The following KCNT2 variants were observed in gnomAD, a reference collection of about 807,000 sequenced individuals.
The protein encoded by KCNT2 is potassium sodium-activated channel subfamily T member 2, also known as potassium channel subfamily T member 2.
A neutral mutation model predicts 153.8 loss-of-function variants in KCNT2; 67 were observed. The observed-to-expected ratio is 0.44, with a 90% CI of 0.36 to 0.53. The LOEUF is 0.53. Ranked by LOEUF, KCNT2 falls within the 20% of genes least tolerant of loss-of-function variation. KCNT2 has a pLI of 0.00. For missense variants in KCNT2, 975 were observed against 1,354.8 expected (o/e 0.72, Z 4.40); for synonymous variants, 500 against 458.8 (o/e 1.09, Z -1.15).
intron 8 of KCNT2, among the ~76,000 whole-genome samples, chr1:196,443,740 G>T (rs140161339): frequency 1.3e-5 from 2 of 151,534 alleles, no homozygotes; most frequent in East Asian, 3.9e-4. Flanking sequence ...ATATTTTCTT[G>T]CCAACCTCAT....
intron 22 of KCNT2, among the ~76,000 whole-genome samples, chr1:196,301,117 A>C (rs1661144821): frequency 6.6e-6 from 1 of 152,126 alleles, no homozygotes; most frequent in Non-Finnish European, 1.5e-5. Flanking sequence ...CTGTCAACAC[A>C]CCTGAACAGA....
intron 27 of KCNT2, among the ~76,000 whole-genome samples, chr1:196,229,768 G>T (rs951980900): frequency 1.3e-5 from 2 of 152,120 alleles, no homozygotes; most frequent in Non-Finnish European, 2.9e-5. Context: ...AAGTATGAGT[G>T]GTCTGGAAAA....
chr1:196,247,083 T>C (rs747692610), intron 26 of KCNT2, among the ~76,000 whole-genome samples: 1 of 151,834 alleles, frequency 6.6e-6, no homozygotes, highest in Non-Finnish European at 1.5e-5. Flanking sequence ...GAAAAAAAGG[T>C]ATGGAAAAAG....
At chr1:196,322,791 A>G (rs542285735) in intron 19 of KCNT2, among the ~76,000 whole-genome samples, 1 of 151,914 alleles carries the variant, frequency 6.6e-6, no homozygotes. Context: ...TTTTGTTAAC[A>G]TTTCCTAATT....
intron 8 of KCNT2, among the ~76,000 whole-genome samples, chr1:196,433,256 T>C (rs562989970): frequency 1.3e-5 from 2 of 152,072 alleles, no homozygotes; most frequent in Non-Finnish European, 2.9e-5. Flanking sequence ...AATTTTGTTA[T>C]AGCAGCACAG....
In KCNT2 at chr1:196,226,812, G is replaced by C. The variant is rs1398627708; in HGVS notation, c.*1412C>G. On this transcript the variant is annotated 3_prime_UTR_variant, in exon 28 of 28. Coordinates refer to ENST00000294725, the MANE Select transcript of KCNT2 (RefSeq NM_198503.5). ...CTTTCTAGTTTTATATGTATTTTTTGTTGTTGCTGAATTAAACTCAATGTC... is the reference window on the plus strand; with the variant it reads ...CTTTCTAGTTTTATATGTATTTTTTCTTGTTGCTGAATTAAACTCAATGTC... 6.6e-6 allele frequency: 1 copy of C among 151,774 alleles called. No homozygotes were observed. The highest frequency in any genetic ancestry group is 1.5e-5 in the Non-Finnish European group (1 of 67,786). 9.4% of individuals were successfully genotyped at this position (151,774 alleles called of 1,614,324 possible).
chr1:196,438,845 C>T (rs1674962675), intron 8 of KCNT2, among the ~76,000 whole-genome samples: 2 of 151,090 alleles, frequency 1.3e-5, no homozygotes, highest in South Asian at 4.2e-4. Flanking sequence ...CATTTAAGAC[C>T]TAAATTTTAA....
intron 26 of KCNT2, among the ~76,000 whole-genome samples, chr1:196,254,781 A>G (rs1238527399): frequency 6.6e-6 from 1 of 151,626 alleles, no homozygotes; most frequent in Non-Finnish European, 1.5e-5. Flanking sequence ...GAACTAAGTC[A>G]CCATGTTAGC....
intron 4 of KCNT2, among the ~76,000 whole-genome samples, chr1:196,480,585 G>A (rs1249210205): frequency 6.6e-6 from 1 of 152,076 alleles, no homozygotes; most frequent in African/African-American, 2.4e-5. Flanking sequence ...GCCAGGCGCA[G>A]TAGTTCACGT....
intron 8 of KCNT2, among the ~76,000 whole-genome samples, chr1:196,460,523 G>T (rs967412030): frequency 4.0e-5 from 6 of 151,664 alleles, no homozygotes; most frequent in Admixed American, 1.3e-4. Flanking sequence ...GGCATAAAAT[G>T]GTAAGAAAGG....
At chr1:196,509,099 T>A (rs1288900871) in intron 1 of KCNT2, among the ~76,000 whole-genome samples, 2 of 151,822 alleles carry the variant, frequency 1.3e-5, no homozygotes, top group African/African-American at 4.8e-5. Context: ...TGAAACCCCG[T>A]CTCTACTAAA....
At chr1:196,393,300 G>A (rs1670643817) in intron 13 of KCNT2, among the ~76,000 whole-genome samples, 1 of 151,448 alleles carries the variant, frequency 6.6e-6, no homozygotes, top group Non-Finnish European at 1.5e-5. Flanking sequence ...AAGAAAATTG[G>A]ATGAGGAAGC....
chr1:196,597,515 G>A (rs1572935958), intron 1 of KCNT2, among the ~76,000 whole-genome samples: 1 of 151,994 alleles, frequency 6.6e-6, no homozygotes, highest in Non-Finnish European at 1.5e-5. Flanking sequence ...GCTATTTTAT[G>A]ATAGGAGAGT....
chr1:196,329,715 T>C (rs970011217), intron 18 of KCNT2, among the ~76,000 whole-genome samples: 1 of 150,088 alleles, frequency 6.7e-6, no homozygotes, highest in Non-Finnish European at 1.5e-5. Flanking sequence ...TGAAAATACA[T>C]AGCTTGCCAG....
intron 1 of KCNT2, among the ~76,000 whole-genome samples, chr1:196,556,894 T>G (rs769096488): frequency 1.3e-5 from 2 of 151,240 alleles, no homozygotes; most frequent in Non-Finnish European, 3.0e-5. Context: ...AGACAAACAT[T>G]GCATGCTCTT....
intron 1 of KCNT2, among the ~76,000 whole-genome samples, chr1:196,589,756 C>T (rs1663118186): frequency 6.6e-6 from 1 of 152,148 alleles, no homozygotes; most frequent in South Asian, 2.1e-4. Flanking sequence ...CCCTTTCATT[C>T]AGCCAGTTTT....
In KCNT2 at chr1:196,529,494, G is replaced by A. The variant is rs74536779; in HGVS notation, c.96-37153C>T. 3.9e-5 allele frequency among the ~76,000 whole-genome samples: 6 copies of A among 152,210 alleles called. No homozygotes were observed. In the East Asian group the frequency reaches 1.2e-3, roughly 29 times the overall value. The stretch of plus-strand genomic sequence containing the variant: ...TGGAGACATTATGATCTTCTGCTCA[G>A]ATACTTGTTCAAGAGAAAGAAATTT... On this transcript the variant is annotated intron_variant, in intron 1 of 27. Transcript: ENST00000294725.
intron 1 of KCNT2, among the ~76,000 whole-genome samples, chr1:196,539,823 T>A (rs925629820): frequency 2.6e-5 from 4 of 151,590 alleles, no homozygotes; most frequent in African/African-American, 9.7e-5. Flanking sequence ...ATATAATACA[T>A]TTAAGTAAAA....
chr1:196,556,600 A>G (rs1156535025), intron 1 of KCNT2, among the ~76,000 whole-genome samples: 1 of 151,408 alleles, frequency 6.6e-6, no homozygotes, highest in African/African-American at 2.4e-5. Context: ...AAACTAGAGC[A>G]ACCATACAGT....
Sources: gnomAD v4.1 joint callset for allele counts (sites outside exome capture counted in the v4.1 genomes callset) on GRCh38, gnomAD v4.1.1 for gene constraint, MANE v1.5 for transcripts, NCBI Gene and HGNC (gene_info 2026-07-23, HGNC 2026-07-21) for gene names.